The following BACE1 variants were observed in gnomAD, a reference collection of about 807,000 sequenced individuals.
BACE1 encodes beta-secretase 1.
BACE1 carries 21 observed loss-of-function variants against 54.0 expected under a neutral mutation model. The observed-to-expected ratio is 0.39, with a 90% CI of 0.28 to 0.56. BACE1 has a LOEUF of 0.56. Among genes scored for constraint, BACE1 ranks in the 20% least tolerant of loss-of-function variants. The pLI, the probability that BACE1 is intolerant of heterozygous loss-of-function variation, is 0.63. For missense variants in BACE1, 511 were observed against 661.2 expected (o/e 0.77, Z 2.49); for synonymous variants, 232 against 260.9 (o/e 0.89, Z 1.07).
rs1003575926 is a variant in BACE1, at chr11:117,287,276, T to C, written c.*2290A>G. 6.6e-6 allele frequency: 1 copy of C among 152,512 alleles called. No individual in the cohort carries two copies. Among genetic ancestry groups the C allele is most frequent in the Non-Finnish European group, 1.5e-5 (1 of 68,050 alleles). The allele number at this position is 152,512 out of a possible 1,614,324, so 9.4% of individuals were successfully genotyped here. A position where few individuals can be genotyped will look rare whatever the true frequency, so the allele number is the denominator to read the frequency against. ...ACACAAGTGTTGGCGACCCCTGTTC[T>C]CCCTTCTCCCTCTGTCCACTGGCCT... On this transcript the variant is annotated 3_prime_UTR_variant, in exon 9 of 9. Transcript: ENST00000313005.
At chr11:117,305,820 A>G (rs2034820900) in intron 1 of BACE1, among the ~76,000 whole-genome samples, 2 of 151,886 alleles carry the variant, frequency 1.3e-5, no homozygotes, top group South Asian at 4.2e-4. Context: ...CGGATCACAA[A>G]GTCAGGAGAT....
At chr11:117,297,090 A>G (rs1403359194) in intron 1 of BACE1, 129 bp from the exon 2 acceptor site, 1 of 722,966 alleles carries the variant, frequency 1.4e-6, no homozygotes, top group African/African-American at 1.8e-5. Context: ...ACGATGCAGG[A>G]CTGGTCCAGG....
chr11:117,307,564 G>C (rs1222231001), intron 1 of BACE1, among the ~76,000 whole-genome samples: 3 of 152,000 alleles, frequency 2.0e-5, no homozygotes, highest in Admixed American at 6.6e-5. Context: ...TGCCTGCCTC[G>C]GCCTCCCAAA....
rs186299801 is a variant in BACE1 at position 117,304,073 on chromosome 11, G to A, written c.262-7112C>T. 8.5e-5 allele frequency among the ~76,000 whole-genome samples: 13 copies of A among 152,314 alleles called. No individual in the cohort carries two copies. In the East Asian group the frequency reaches 2.3e-3, roughly 27 times the overall value. On this transcript the variant is annotated intron_variant, in intron 1 of 8. Transcript: ENST00000313005. ...ATGAACCACCCTGCCCCCCATACATGCCCTTGTGGGATCCCCTCTGACAGT... is the reference window on the plus strand; with the variant it reads ...ATGAACCACCCTGCCCCCCATACATACCCTTGTGGGATCCCCTCTGACAGT...
chr11:117,313,289 TA>T (rs1277826476), intron 1 of BACE1, among the ~76,000 whole-genome samples: 1 of 152,204 alleles, frequency 6.6e-6, no homozygotes, highest in Non-Finnish European at 1.5e-5. Flanking sequence ...TGTTGAACTT[TA>T]AGCCCACTTT....
At chr11:117,312,840 G>A (rs1415104479) in intron 1 of BACE1, among the ~76,000 whole-genome samples, 2 of 152,172 alleles carry the variant, frequency 1.3e-5, no homozygotes, top group Non-Finnish European at 2.9e-5. Flanking sequence ...TCAGGGATGG[G>A]GCCAGGGAAT....
intron 6 of BACE1, 54 bp downstream of exon 6, chr11:117,291,658 C>T (rs1048617899): frequency 1.3e-5 from 17 of 1,306,052 alleles, no homozygotes; most frequent in South Asian, 2.4e-5. Flanking sequence ...TGACTCTCAC[C>T]GCCTCCCTCT....
In BACE1 at chr11:117,315,857, GCCC is replaced by G. The variant is rs2035104615; in HGVS notation, c.-65_-63del. The G allele has an allele frequency of 1.5e-6, 2 of 1,366,702 alleles. No individual in the cohort carries two copies. The highest frequency in any genetic ancestry group is 1.5e-5 in the African/African-American group (1 of 64,998). 84.7% of individuals were successfully genotyped at this position (1,366,702 alleles called of 1,614,324 possible). ...TGGCCCACGTCCGTCCCTGGCGCCTGCCCCCAAGTCTGGGTGGTGCTGGTGGCT... is the reference window on the plus strand; with the variant it reads ...TGGCCCACGTCCGTCCCTGGCGCCTGCCAAGTCTGGGTGGTGCTGGTGGCT... On this transcript the variant is annotated 5_prime_UTR_variant, in exon 1 of 9. Transcript: ENST00000313005. The surrounding 1 kb of genome is among the most constrained non-coding windows in gnomAD (Gnocchi z 5.5).
chr11:117,315,570 A>T lies in BACE1; in HGVS notation c.226T>A (p.Tyr76Asn), dbSNP rs775956388. The T allele has an allele frequency of 6.3e-7, 1 of 1,590,052 alleles. No individual in the cohort carries two copies. The highest frequency in any genetic ancestry group is 1.7e-5 in the Admixed American group (1 of 57,216). ...NLRGKSGQGY[Y>N]VEMTVGSPPQ... ...GGGCTGCCCACGGTCATCTCCACGT[A>T]GTAGCCCTGCCCCGACTTGCCCCTC... The change falls in exon 1 of 9, where the codon TAC (tyrosine) becomes AAC (asparagine). Residue 76 changes from tyrosine (Y) to asparagine (N), a missense_variant. Transcript: ENST00000313005. This position sits in a 1 kb window ranked among gnomAD's most constrained non-coding sequence, Gnocchi z 5.5.
rs1295542087 is a variant in BACE1 at position 117,288,300 on chromosome 11, G to GT, written c.*1265dup. 1 of 152,338 alleles carries GT rather than the reference G, an allele frequency of 6.6e-6. No individual in the cohort carries two copies. Among genetic ancestry groups the GT allele is most frequent in the Non-Finnish European group, 1.5e-5 (1 of 68,048 alleles). The allele number at this position is 152,338 out of a possible 1,614,324, so 9.4% of individuals were successfully genotyped here. On this transcript the variant is annotated 3_prime_UTR_variant, in exon 9 of 9. Coordinates refer to ENST00000313005, the MANE Select transcript of BACE1 (RefSeq NM_012104.6). The stretch of plus-strand genomic sequence containing the variant: ...CTCTTGGTATAATGCTAGTGCCACT[G>GT]TGTGATGCTTTAGTCAAATAAATGG...
At chr11:117,300,134 G>A (rs2034690616) in intron 1 of BACE1, among the ~76,000 whole-genome samples, 1 of 151,892 alleles carries the variant, frequency 6.6e-6, no homozygotes, top group Non-Finnish European at 1.5e-5. Context: ...TCCAGCCCCA[G>A]CCTTTCCCCC....
rs1463512403 is a variant in BACE1, at chr11:117,285,890, C to T, written c.*3676G>A. Reference sequence around the variant, plus strand: ...TCTGGACAGAAATTAGCACAACCCACAGGTTTTTCCTGGGCCAAGTCTTCC... The same window carrying T: ...TCTGGACAGAAATTAGCACAACCCATAGGTTTTTCCTGGGCCAAGTCTTCC... On this transcript the variant is annotated 3_prime_UTR_variant, in exon 9 of 9. Coordinates refer to ENST00000313005, the MANE Select transcript of BACE1 (RefSeq NM_012104.6). 3 of 152,620 alleles carry T rather than the reference C, an allele frequency of 2.0e-5. No homozygotes were observed. The highest frequency in any genetic ancestry group is 6.5e-5 in the Admixed American group (1 of 15,274). The allele number at this position is 152,620 out of a possible 1,614,324, so 9.5% of individuals were successfully genotyped here.
chr11:117,298,431 C>T (rs887419727), intron 1 of BACE1, among the ~76,000 whole-genome samples: 9 of 152,224 alleles, frequency 5.9e-5, no homozygotes, highest in Admixed American at 5.9e-4. Flanking sequence ...CGTCACATCA[C>T]CCCTGCTCAC....
chr11:117,301,189 G>C (rs1441777653), intron 1 of BACE1, among the ~76,000 whole-genome samples: 1 of 152,056 alleles, frequency 6.6e-6, no homozygotes, highest in Non-Finnish European at 1.5e-5. Flanking sequence ...CCTCTCTAAC[G>C]ACCCTCTCCC....
Position 117,293,666 on chromosome 11 carries a change from TTTACCATAGG to T in BACE1, c.705+195_705+204del. ...TTTCCTAATTGCCTTCCTTTCCAAG[TTTACCATAGG>T]TGCCTTGATTCCTTTCTGGAATAAC... On this transcript the variant is annotated intron_variant, in intron 4 of 8. Transcript: ENST00000313005. This position sits in a 1 kb window ranked among gnomAD's most constrained non-coding sequence, Gnocchi z 4.1. The T allele has an allele frequency of 2.2e-6, 1 of 464,702 alleles. No homozygotes were observed. The highest frequency in any genetic ancestry group is 3.5e-6 in the Non-Finnish European group (1 of 288,560). The allele number at this position is 464,702 out of a possible 1,614,324, so 28.8% of individuals were successfully genotyped here.
intron 1 of BACE1, among the ~76,000 whole-genome samples, chr11:117,299,028 A>G (rs1322921165): frequency 6.6e-6 from 1 of 151,718 alleles, no homozygotes; most frequent in Admixed American, 6.6e-5. Context: ...CTGGTCTCGA[A>G]CTCCTGACCT....
Position 117,316,222 on chromosome 11 carries a change from G to A in BACE1, c.-427C>T, listed in dbSNP as rs1016526884. 1.6e-5 allele frequency: 7 copies of A among 435,300 alleles called. No individual in the cohort carries two copies. Among genetic ancestry groups the A allele is most frequent in the Admixed American group, 8.6e-5 (2 of 23,132 alleles). The allele number at this position is 435,300 out of a possible 1,614,324, so 27.0% of individuals were successfully genotyped here. On this transcript the variant is annotated 5_prime_UTR_variant, in exon 1 of 9. Transcript: ENST00000313005. ...ACCATAATCCAGCTCGCGGCTCGCA[G>A]CTCCCGGGCGGGCTGGGGAGGCGGA...
At chr11:117,294,216 G>T (rs1416899888) in intron 3 of BACE1, 2 of 379,598 alleles carry the variant, frequency 5.3e-6, no homozygotes, top group East Asian at 4.5e-5. Context: ...CAGATTCATA[G>T]ATCTTTTTTT....
chr11:117,315,746 A>G lies in BACE1; in HGVS notation c.50T>C (p.Leu17Pro). The change falls in exon 1 of 9, where the codon CTG becomes CCG. Residue 17 changes from leucine (L) to proline (P), a missense_variant. Physicochemically the swap from Leu to Pro is moderately conservative, Grantham distance 98 (BLOSUM62 -3). This residue lies in a region of BACE1 where 104 missense variants were observed against 95.5 expected (regional missense o/e 1.09). Coordinates refer to ENST00000313005, the MANE Select transcript of BACE1 (RefSeq NM_012104.6). This position sits in a 1 kb window ranked among gnomAD's most constrained non-coding sequence, Gnocchi z 5.5. The stretch of plus-strand genomic sequence containing the variant: ...GCCGTGCTGGGTGCCGTGGGCAGGC[A>G]GCACTCCCGCGCCCATCCACAGCAG... ...WLLLWMGAGV[L>P]PAHGTQHGIR... 1 of 1,471,928 alleles carries G rather than the reference A, an allele frequency of 6.8e-7. No homozygotes were observed. The highest frequency in any genetic ancestry group is 2.7e-5 in the Admixed American group (1 of 37,598). 91.2% of individuals were successfully genotyped at this position (1,471,928 alleles called of 1,614,324 possible). A position where few individuals can be genotyped will look rare whatever the true frequency, so the allele number is the denominator to read the frequency against.
Sources: gnomAD v4.1 joint callset for allele counts (sites outside exome capture counted in the v4.1 genomes callset) on GRCh38, gnomAD v4.1.1 for gene constraint, gnomAD v4.1.1 regional missense constraint, Gnocchi (gnomAD v3.1) non-coding constraint, MANE v1.5 for transcripts, NCBI Gene and HGNC (gene_info 2026-07-23, HGNC 2026-07-21) for gene names.